The following COL19A1 variants were observed in gnomAD, a reference collection of about 807,000 sequenced individuals.
COL19A1 encodes the protein collagen type XIX alpha 1 chain.
COL19A1 carries 159 observed loss-of-function variants against 190.2 expected under a neutral mutation model. The ratio of observed to expected loss-of-function variants is 0.84; its 90% confidence interval spans 0.73 to 0.95. The LOEUF is 0.95. COL19A1 is among the 40% of genes least tolerant of loss of function. COL19A1 has a pLI of 0.00. For synonymous variants in COL19A1, 509 were observed against 458.9 expected (o/e 1.11, Z -1.39); for missense variants, 1,418 against 1,431.9 (o/e 0.99, Z 0.16).
chr6:70,150,094 A>C (rs1786955304), intron 30 of COL19A1, 49 bp downstream of exon 30: 1 of 1,589,026 alleles, frequency 6.3e-7, no homozygotes, highest in Non-Finnish European at 8.6e-7. Context: ...TGCACCCAGA[A>C]GCCAAACAGC....
At chr6:70,027,123 G>A (rs1255474154) in intron 12 of COL19A1, among the ~76,000 whole-genome samples, 1 of 152,138 alleles carries the variant, frequency 6.6e-6, no homozygotes, top group Non-Finnish European at 1.5e-5. Context: ...GTCTTAGAAT[G>A]TATGGTAAAT....
intron 17 of COL19A1, among the ~76,000 whole-genome samples, chr6:70,127,225 A>G (rs1785255069): frequency 6.6e-6 from 1 of 152,206 alleles, no homozygotes; most frequent in African/African-American, 2.4e-5. Flanking sequence ...AGAGTGACCA[A>G]CATGATGCTG....
At chr6:70,192,577 G>A (rs1753251) in intron 48 of COL19A1, among the ~76,000 whole-genome samples, 39 of 137,364 alleles carry the variant, frequency 2.8e-4, no homozygotes, top group African/African-American at 7.9e-4. Context: ...TCATTTCCCC[G>A]TCAGGAAGTT....
Position 70,068,428 on chromosome 6 carries a change from C to T in COL19A1, c.1176C>T (p.Ser392=), listed in dbSNP as rs755499242. ...GTGTCTCTTTTTCCTCATAGGGTTC[C>T]CTGGGGATACAAGGCCCCCAAGGTC... ...GPPGPPALPG[S]LGIQGPQGPP... The change falls in exon 15 of 51, where the codon TCC becomes TCT. Residue 392 remains serine (S), a synonymous_variant. Transcript: ENST00000620364. 1.3e-6 allele frequency: 2 copies of T among 1,594,168 alleles called. No homozygotes were observed. The highest frequency in any genetic ancestry group is 2.2e-5 in the South Asian group (2 of 90,550).
intron 11 of COL19A1, among the ~76,000 whole-genome samples, chr6:70,022,908 C>A (rs1019451223): frequency 5.9e-5 from 9 of 151,954 alleles, no homozygotes; most frequent in Admixed American, 5.2e-4. Context: ...ACATTTAGTG[C>A]CTAAAATTTT....
At chr6:70,134,185 C>A (rs1785694785) in intron 18 of COL19A1, among the ~76,000 whole-genome samples, 1 of 152,162 alleles carries the variant, frequency 6.6e-6, no homozygotes, top group African/African-American at 2.4e-5. Flanking sequence ...CACCCTAATG[C>A]CTATACAAGT....
chr6:69,946,389 A>G (rs2150030209), intron 9 of COL19A1, among the ~76,000 whole-genome samples: 1 of 152,166 alleles, frequency 6.6e-6, no homozygotes, highest in African/African-American at 2.4e-5. Context: ...TCAGATTGGA[A>G]AGAAAATGAG....
intron 11 of COL19A1, among the ~76,000 whole-genome samples, chr6:69,967,954 C>G (rs1329546366): frequency 1.3e-5 from 2 of 151,720 alleles, no homozygotes; most frequent in Non-Finnish European, 2.9e-5. Context: ...GTACACTTTG[C>G]TACCCACAAA....
At chr6:69,901,393 T>C (rs995991128) in intron 4 of COL19A1, among the ~76,000 whole-genome samples, 1 of 152,242 alleles carries the variant, frequency 6.6e-6, no homozygotes, top group African/African-American at 2.4e-5. Flanking sequence ...GTGATACTTT[T>C]GGTAATTTTC....
At chr6:69,947,082 A>G (rs192578595) in intron 9 of COL19A1, among the ~76,000 whole-genome samples, 1 of 151,990 alleles carries the variant, frequency 6.6e-6, no homozygotes, top group East Asian at 1.9e-4. Flanking sequence ...AAGCTTGCTG[A>G]TCCCTGCTCC....
chr6:70,161,842 T>C lies in COL19A1; in HGVS notation c.2293-58T>C. On this transcript the variant is annotated intron_variant, in intron 34 of 50. Transcript: ENST00000620364. ...TCAATGGTCAAAATATTTGATTAAC[T>C]AAAATGCCTTCTTCCCAATGATATA... 2.8e-6 allele frequency: 4 copies of C among 1,412,490 alleles called. No homozygotes were observed. The South Asian group carries it at 5.3e-5, about 19-fold the overall frequency. The allele number at this position is 1,412,490 out of a possible 1,614,324, so 87.5% of individuals were successfully genotyped here.
chr6:70,096,775 C>T (rs1039991107), intron 15 of COL19A1, among the ~76,000 whole-genome samples: 5 of 152,116 alleles, frequency 3.3e-5, no homozygotes, highest in Admixed American at 1.3e-4. Flanking sequence ...TAGTGGTTCT[C>T]ATAACATGGT....
At chr6:69,880,242 A>T (rs936034218) in intron 2 of COL19A1, among the ~76,000 whole-genome samples, 5 of 152,218 alleles carry the variant, frequency 3.3e-5, no homozygotes, top group African/African-American at 1.2e-4. Flanking sequence ...GCAATTTGAA[A>T]TATTTACCTT....
At chr6:69,879,201 A>G (rs1768336132) in intron 1 of COL19A1, among the ~76,000 whole-genome samples, 1 of 152,212 alleles carries the variant, frequency 6.6e-6, no homozygotes, top group African/African-American at 2.4e-5. Flanking sequence ...TAAATTTTAT[A>G]TTGTGTGTAT....
At chr6:70,201,341 G>A (rs1049113882) in intron 49 of COL19A1, among the ~76,000 whole-genome samples, 1 of 152,178 alleles carries the variant, frequency 6.6e-6, no homozygotes, top group Non-Finnish European at 1.5e-5. Flanking sequence ...GTCAGTCAGA[G>A]GCAATTCTAA....
chr6:70,034,227 G>A lies in COL19A1; in HGVS notation c.1081-18G>A, dbSNP rs1378021437. Reference sequence around the variant, plus strand: ...AAAGCTTTCTGTGAACTGTGTATTGGTTATATTCTTTCTACAGGGTTTGAA... The same window carrying A: ...AAAGCTTTCTGTGAACTGTGTATTGATTATATTCTTTCTACAGGGTTTGAA... On this transcript the variant is annotated intron_variant, in intron 12 of 50. Transcript: ENST00000620364. The A allele has an allele frequency of 1.3e-6, 2 of 1,585,562 alleles. No individual in the cohort carries two copies. The highest frequency in any genetic ancestry group is 8.7e-7 in the Non-Finnish European group (1 of 1,154,044).
chr6:69,957,274 AT>A (rs1774478462), intron 9 of COL19A1, among the ~76,000 whole-genome samples: 1 of 152,112 alleles, frequency 6.6e-6, no homozygotes, highest in Admixed American at 6.6e-5. Context: ...AAATCCAGTG[AT>A]CAGTTTTTCA....
intron 11 of COL19A1, among the ~76,000 whole-genome samples, chr6:69,971,034 C>T (rs1191601660): frequency 1.3e-5 from 2 of 151,998 alleles, no homozygotes; most frequent in East Asian, 1.9e-4. Context: ...TTTCCTAATT[C>T]CTTACAGTGC....
intron 4 of COL19A1, among the ~76,000 whole-genome samples, chr6:69,907,673 T>G (rs1194992294): frequency 6.6e-6 from 1 of 152,250 alleles, no homozygotes; most frequent in Admixed American, 6.5e-5. Context: ...ACTTAAAACT[T>G]GTGCAGTTAC....
Sources: allele counts gnomAD v4.1 joint callset (sites outside exome capture counted in the v4.1 genomes callset), GRCh38; gene constraint gnomAD v4.1.1; transcripts MANE v1.5; gene names NCBI Gene and HGNC (gene_info 2026-07-23, HGNC 2026-07-21).